The following PUDP variants were observed in gnomAD, a reference collection of about 807,000 sequenced individuals.
PUDP encodes pseudouridine 5'-phosphatase.
A neutral mutation model predicts 9.4 loss-of-function variants in PUDP; 8 were observed. The ratio of observed to expected loss-of-function variants is 0.85; its 90% CI spans 0.50 to 1.53. The LOEUF (loss-of-function observed/expected upper bound fraction) is 1.53. Ranked by LOEUF, PUDP falls within the 40% of genes most tolerant of loss-of-function variation. The pLI, the probability that PUDP is intolerant of heterozygous loss-of-function variation, is 0.00. For missense variants in PUDP, 188 were observed against 189.7 expected (o/e 0.99, Z 0.05); for synonymous variants, 99 against 80.7 (o/e 1.23, Z -1.22).
At chrX:6,794,386 C>T (rs1049846328) in intron 3 of PUDP, among the ~76,000 whole-genome samples, 5 of 111,229 alleles carry the variant, frequency 4.5e-5, no homozygotes, top group South Asian at 3.8e-4. Flanking sequence ...AAGATAAAAA[C>T]GGTTCCCCTA....
intron 1 of PUDP, among the ~76,000 whole-genome samples, chrX:7,027,870 A>G (rs1470789820): frequency 1.2e-5 from 1 of 83,787 alleles, no homozygotes; most frequent in Non-Finnish European, 2.3e-5. Flanking sequence ...CTATATATAT[A>G]GAATATATTA....
At chrX:7,059,381 G>A (rs1291192788) in intron 3 of PUDP, among the ~76,000 whole-genome samples, 1 of 112,085 alleles carries the variant, frequency 8.9e-6, no homozygotes, top group African/African-American at 3.2e-5. Context: ...GCCCTGAAAG[G>A]TGCTGACTGT....
chrX:7,114,889 C>T (rs905827628), intron 1 of PUDP, among the ~76,000 whole-genome samples: 6 of 111,533 alleles, frequency 5.4e-5, no homozygotes, highest in Non-Finnish European at 7.5e-5. Flanking sequence ...TATATTGTAC[C>T]CCATTATGGT....
chrX:6,968,643 C>CA (rs1555920318), intron 3 of PUDP, among the ~76,000 whole-genome samples: 1 of 106,267 alleles, frequency 9.4e-6, no homozygotes, highest in Non-Finnish European at 2.0e-5. Flanking sequence ...TCTTTCTCTC[C>CA]TTTTTTTTTT....
chrX:7,043,025 A>G (rs1929943056), intron 1 of PUDP, among the ~76,000 whole-genome samples: 1 of 111,593 alleles, frequency 9.0e-6, no homozygotes, highest in Non-Finnish European at 1.9e-5. Context: ...CACCCTCCAT[A>G]AACAGTGGGA....
chrX:6,883,274 C>T (rs1034300033), intron 3 of PUDP, among the ~76,000 whole-genome samples: 4 of 111,351 alleles, frequency 3.6e-5, no homozygotes, highest in Admixed American at 1.9e-4. Flanking sequence ...GTAATCCCAA[C>T]ACTTTGAGGG....
intron 3 of PUDP, among the ~76,000 whole-genome samples, chrX:6,798,448 T>G (rs1399669050): frequency 9.0e-6 from 1 of 111,677 alleles, no homozygotes; most frequent in Non-Finnish European, 1.9e-5. Flanking sequence ...CTCTTCCAAA[T>G]GAAAGTAGTG....
intron 3 of PUDP, among the ~76,000 whole-genome samples, chrX:6,896,415 C>T: frequency 8.9e-6 from 1 of 111,854 alleles, no homozygotes; most frequent in Non-Finnish European, 1.9e-5. Flanking sequence ...TAAATGTTTT[C>T]CTTTGCCTGA....
At chrX:6,978,361 GA>G (rs1928984693) in intron 1 of PUDP, among the ~76,000 whole-genome samples, 2 of 112,053 alleles carry the variant, frequency 1.8e-5, no homozygotes, top group Admixed American at 1.9e-4. Context: ...AAGAGAGAGA[GA>G]GAGAGAGAAC....
At chrX:6,987,140 T>C (rs1430118591) in intron 1 of PUDP, among the ~76,000 whole-genome samples, 1 of 111,936 alleles carries the variant, frequency 8.9e-6, no homozygotes, top group South Asian at 3.7e-4. Flanking sequence ...GTAGGTGGGA[T>C]GTGATGGATG....
rs1569145793 is a variant in PUDP at position 7,050,347 on chromosome X, A to T, written c.636T>A (p.Asn212Lys). ...DLTTKATLVL[N>K]SLQDFQPELF... Reference sequence around the variant, plus strand: ...GCTCGGGCTGGAAGTCCTGCAGGGAATTCAGCACCAGGGTGGCCTTTGTTG... The same window carrying T: ...GCTCGGGCTGGAAGTCCTGCAGGGATTTCAGCACCAGGGTGGCCTTTGTTG... The change falls in exon 4 of 4, where the codon AAT becomes AAA. Residue 212 changes from asparagine (N) to lysine (K), a missense_variant. By Grantham distance (94) the Asn-to-Lys change is moderately conservative. Coordinates refer to ENST00000381077, the MANE Select transcript of PUDP (RefSeq NM_012080.5). 5.0e-6 allele frequency: 6 copies of T among 1,211,516 alleles called. No homozygotes were observed. Among genetic ancestry groups the T allele is most frequent in the Non-Finnish European group, 6.7e-6 (6 of 895,241 alleles).
intron 1 of PUDP, among the ~76,000 whole-genome samples, chrX:7,006,623 G>A (rs183403756): frequency 9.0e-6 from 1 of 110,830 alleles, no homozygotes; most frequent in Admixed American, 9.6e-5. Context: ...TTGATTTCAC[G>A]AGAAGTTGTA....
At chrX:7,008,790 C>A (rs1929437919) in intron 1 of PUDP, among the ~76,000 whole-genome samples, 1 of 112,505 alleles carries the variant, frequency 8.9e-6, no homozygotes, top group Non-Finnish European at 1.9e-5. Flanking sequence ...AATAATCTGA[C>A]ATTGTGGTCA....
At chrX:7,040,371 A>G (rs1929905457) in intron 1 of PUDP, among the ~76,000 whole-genome samples, 1 of 112,214 alleles carries the variant, frequency 8.9e-6, no homozygotes, top group Non-Finnish European at 1.9e-5. Context: ...CCACCACAGA[A>G]AAGAGCCAGC....
chrX:6,709,950 C>G (rs1464248879), intron 1 of PUDP, among the ~76,000 whole-genome samples: 4 of 111,031 alleles, frequency 3.6e-5, no homozygotes, highest in Non-Finnish European at 5.7e-5. Flanking sequence ...TAGTGAAACC[C>G]TATCTCTACT....
intron 3 of PUDP, among the ~76,000 whole-genome samples, chrX:6,800,853 C>T (rs1037727857): frequency 1.8e-5 from 2 of 111,668 alleles, no homozygotes; most frequent in Admixed American, 9.5e-5. Context: ...AATTTGCTCC[C>T]GACTTGCCCG....
intron 3 of PUDP, among the ~76,000 whole-genome samples, chrX:6,816,978 T>C (rs1164103690): frequency 3.1e-5 from 3 of 96,560 alleles, no homozygotes; most frequent in Admixed American, 1.2e-4. Flanking sequence ...TATACACATA[T>C]AGTATATACT....
intron 1 of PUDP, among the ~76,000 whole-genome samples, chrX:7,120,049 T>A (rs1444361412): frequency 9.0e-6 from 1 of 111,046 alleles, no homozygotes; most frequent in Non-Finnish European, 1.9e-5. Flanking sequence ...ATATTTACAA[T>A]ACATACATAC....
chrX:6,807,705 G>C (rs1219162877), intron 3 of PUDP, among the ~76,000 whole-genome samples: 1 of 112,031 alleles, frequency 8.9e-6, no homozygotes, highest in Non-Finnish European at 1.9e-5. Flanking sequence ...CCTGGAGGAA[G>C]CCCAGCTGCC....
Sources: gnomAD v4.1 joint callset for allele counts (sites outside exome capture counted in the v4.1 genomes callset) on GRCh38, gnomAD v4.1.1 for gene constraint, MANE v1.5 for transcripts, NCBI Gene and HGNC (gene_info 2026-07-23, HGNC 2026-07-21) for gene names.